Variants in IP6K3 observed in about 807,000 individuals in gnomAD.
The protein encoded by IP6K3 is inositol hexakisphosphate kinase 3.
In IP6K3, 20 loss-of-function variants were observed where a neutral mutation model predicts 28.8. That is an observed-to-expected ratio of 0.70 (90% confidence interval 0.49 to 1.01). The LOEUF is 1.01. IP6K3 is among the 50% of genes least tolerant of loss of function. IP6K3 has a pLI of 0.00. For synonymous variants in IP6K3, 213 were observed against 221.3 expected (o/e 0.96, Z 0.33); for missense variants, 480 against 537.1 (o/e 0.89, Z 1.05).
intron 4 of IP6K3, among the ~76,000 whole-genome samples, chr6:33,726,302 C>T (rs597723): frequency 0.24 from 36,428 of 152,086 alleles, 5,418 homozygotes; most frequent in African/African-American, 0.41. Context: ...CATGGGAAGA[C>T]GCCTGCAGGG....
chr6:33,732,884 T>A (rs564012602), intron 2 of IP6K3, among the ~76,000 whole-genome samples: 16 of 152,350 alleles, frequency 1.1e-4, no homozygotes, highest in African/African-American at 3.1e-4. Context: ...CTCAGCCACC[T>A]GTCCTCCTTC....
the IP6K3 span, among the ~76,000 whole-genome samples, chr6:33,761,315 C>G: frequency 6.6e-6 from 1 of 152,080 alleles, no homozygotes; most frequent in African/African-American, 2.4e-5. Flanking sequence ...TCAGCCCGTC[C>G]CCTTCTCTCC....
chr6:33,756,144 G>C, the IP6K3 span, among the ~76,000 whole-genome samples: 1 of 152,184 alleles, frequency 6.6e-6, no homozygotes, highest in Admixed American at 6.5e-5. Flanking sequence ...GATTACAGGC[G>C]TGAGCCACCA....
chr6:33,756,325 G>A, the IP6K3 span, among the ~76,000 whole-genome samples: 2 of 152,172 alleles, frequency 1.3e-5, no homozygotes, highest in East Asian at 1.9e-4. Flanking sequence ...GACTTGAGGA[G>A]GTAGGATTGC....
the IP6K3 span, among the ~76,000 whole-genome samples, chr6:33,759,216 G>A: frequency 6.6e-6 from 1 of 152,182 alleles, no homozygotes; most frequent in African/African-American, 2.4e-5. Context: ...GCTGGGGAAG[G>A]GACAGATGTT....
the IP6K3 span, among the ~76,000 whole-genome samples, chr6:33,761,321 T>C: frequency 6.6e-6 from 1 of 151,768 alleles, no homozygotes; most frequent in Admixed American, 6.6e-5. Flanking sequence ...CGTCCCCTTC[T>C]CTCCTGCCTG....
At chr6:33,737,615 A>G (rs1456220806) in intron 1 of IP6K3, among the ~76,000 whole-genome samples, 1 of 152,132 alleles carries the variant, frequency 6.6e-6, no homozygotes, top group Non-Finnish European at 1.5e-5. Context: ...AAACCTCAAC[A>G]CAGCCTGTTC....
the IP6K3 span, among the ~76,000 whole-genome samples, chr6:33,759,323 C>T: frequency 6.6e-6 from 1 of 152,288 alleles, no homozygotes; most frequent in Non-Finnish European, 1.5e-5. Context: ...GTCACCCAGG[C>T]TGGAGTGCAG....
upstream of IP6K3, among the ~76,000 whole-genome samples, chr6:33,750,388 C>G (rs552802002): frequency 2.8e-4 from 42 of 152,340 alleles, no homozygotes; most frequent in African/African-American, 9.4e-4. The surrounding 1 kb of genome is among the most constrained non-coding windows in gnomAD (Gnocchi z 4.3). Flanking sequence ...CCCACCTCCT[C>G]AGCCCCACCT....
At chr6:33,732,540 CAG>C (rs978245433) in intron 2 of IP6K3, among the ~76,000 whole-genome samples, 2 of 152,200 alleles carry the variant, frequency 1.3e-5, no homozygotes, top group Non-Finnish European at 2.9e-5. Context: ...CCTTTAGTAA[CAG>C]TGTAGCTGAG....
At chr6:33,750,237 T>C (rs934571684), upstream of IP6K3, among the ~76,000 whole-genome samples, 2 of 152,202 alleles carry the variant, frequency 1.3e-5, no homozygotes, top group Non-Finnish European at 2.9e-5. The surrounding 1 kb of genome is among the most constrained non-coding windows in gnomAD (Gnocchi z 4.3). Context: ...CACATCTCTT[T>C]ACAAGCCTGC....
chr6:33,725,691 A>G (rs1766087043), intron 4 of IP6K3, 75 bp from the exon 5 acceptor site: 4 of 1,397,160 alleles, frequency 2.9e-6, no homozygotes, highest in Non-Finnish European at 4.0e-6. Flanking sequence ...TGCATGCCTC[A>G]GAAGCTGCCT....
Position 33,746,882 on chromosome 6 carries a change from C to T in IP6K3, c.-304G>A, listed in dbSNP as rs1032014147. ...CCCAGCGTGGAGCATTTGCTGTTCA[C>T]CAGAGCCCTGGTGCGGGAGGTCTGC... On this transcript the variant is annotated 5_prime_UTR_variant, in exon 1 of 6. The change creates a new upstream start codon in the 5' untranslated region. Coordinates refer to ENST00000293756, the MANE Select transcript of IP6K3 (RefSeq NM_054111.5). The surrounding 1 kb of genome is among the most constrained non-coding windows in gnomAD (Gnocchi z 6.5). 1 of 152,370 alleles carries T rather than the reference C, an allele frequency of 6.6e-6. No individual in the cohort carries two copies. Among genetic ancestry groups the T allele is most frequent in the African/African-American group, 2.4e-5 (1 of 41,458 alleles). The allele number at this position is 152,370 out of a possible 1,614,324, so 9.4% of individuals were successfully genotyped here. A position where few individuals can be genotyped will look rare whatever the true frequency, so the allele number is the denominator to read the frequency against.
At chr6:33,736,649 A>G (rs1766537855) in intron 1 of IP6K3, among the ~76,000 whole-genome samples, 1 of 151,802 alleles carries the variant, frequency 6.6e-6, no homozygotes, top group Non-Finnish European at 1.5e-5. Context: ...CAGGTGATCC[A>G]CCCTCCTTGG....
At chr6:33,746,950 C>G (rs1315757820), upstream of IP6K3, 1 of 152,564 alleles carries the variant, frequency 6.6e-6, no homozygotes, top group Admixed American at 6.5e-5. The surrounding 1 kb of genome is among the most constrained non-coding windows in gnomAD (Gnocchi z 6.5). Flanking sequence ...GGAAGGGTCA[C>G]CTGACCCTCT....
In IP6K3 at chr6:33,731,731, G is replaced by A. The variant is rs902521756; in HGVS notation, c.200-3431C>T. On this transcript the variant is annotated intron_variant, in intron 2 of 5. Transcript: ENST00000293756. The stretch of plus-strand genomic sequence containing the variant: ...GCCCTTGGCAGAGCAGCATGCCAGT[G>A]GAATCCAGGCTTCTCGGTGCTTGAC... Among the ~76,000 whole-genome samples, 8 of 152,066 alleles carry A rather than the reference G, an allele frequency of 5.3e-5. No homozygotes were observed. In the South Asian group the frequency reaches 6.2e-4, roughly 12 times the overall value.
At chr6:33,727,454 G>C (rs1388253956) in intron 3 of IP6K3, among the ~76,000 whole-genome samples, 1 of 152,190 alleles carries the variant, frequency 6.6e-6, no homozygotes, top group Non-Finnish European at 1.5e-5. Context: ...AAGCCCAGAG[G>C]CTTAATGAGA....
At chr6:33,760,290 T>C in the IP6K3 span, among the ~76,000 whole-genome samples, 4 of 152,190 alleles carry the variant, frequency 2.6e-5, no homozygotes, top group African/African-American at 9.6e-5. Context: ...CCCCCATGGG[T>C]CATCCAGGCT....
chr6:33,741,492 A>G (rs1766716071), intron 1 of IP6K3, among the ~76,000 whole-genome samples: 1 of 151,952 alleles, frequency 6.6e-6, no homozygotes, highest in Admixed American at 6.6e-5. Flanking sequence ...AAAATATTTT[A>G]AAAAGTAGCC....
Sources: gnomAD v4.1 joint callset for allele counts (sites outside exome capture counted in the v4.1 genomes callset) on GRCh38, gnomAD v4.1.1 for gene constraint, Gnocchi (gnomAD v3.1) non-coding constraint, MANE v1.5 for transcripts, NCBI Gene and HGNC (gene_info 2026-07-23, HGNC 2026-07-21) for gene names.